The following CCDC85A variants were observed in gnomAD, a reference collection of about 807,000 sequenced individuals.
CCDC85A encodes the protein coiled-coil domain-containing protein 85A.
CCDC85A carries 38 observed loss-of-function variants against 50.2 expected under a neutral mutation model. That is an observed-to-expected ratio of 0.76 (90% CI 0.58 to 0.99). CCDC85A has a LOEUF of 0.99. Among genes scored for constraint, CCDC85A ranks in the 50% least tolerant of loss-of-function variants. CCDC85A has a pLI of 0.00. For missense variants in CCDC85A, 820 were observed against 742.0 expected (o/e 1.11, Z -1.22); for synonymous variants, 366 against 301.4 (o/e 1.21, Z -2.22).
chr2:56,209,930 C>A (rs1390212588), intron 2 of CCDC85A, among the ~76,000 whole-genome samples: 5 of 151,996 alleles, frequency 3.3e-5, no homozygotes, highest in Admixed American at 6.6e-5. Context: ...TGTCTGTTGC[C>A]ATCGTCATGA....
At chr2:56,201,194 A>G (rs577927104) in intron 2 of CCDC85A, among the ~76,000 whole-genome samples, 1 of 152,182 alleles carries the variant, frequency 6.6e-6, no homozygotes, top group Admixed American at 6.5e-5. Context: ...ACGTTTAAAG[A>G]TATTGAATGG....
At chr2:56,382,463 C>G (rs780243883) in intron 5 of CCDC85A, among the ~76,000 whole-genome samples, 1 of 151,942 alleles carries the variant, frequency 6.6e-6, no homozygotes, top group Non-Finnish European at 1.5e-5. Context: ...TCTTCCCAAA[C>G]AGTGCTACAG....
chr2:56,302,687 C>T (rs73940650), intron 2 of CCDC85A, among the ~76,000 whole-genome samples: 2,233 of 152,284 alleles, frequency 0.015, 57 homozygotes, highest in African/African-American at 0.049. Context: ...ATCTTAGTCT[C>T]ATGTTGTGAT....
intron 2 of CCDC85A, among the ~76,000 whole-genome samples, chr2:56,239,397 C>T (rs1002497782): frequency 1.3e-5 from 2 of 152,024 alleles, no homozygotes; most frequent in African/African-American, 4.8e-5. Flanking sequence ...TGTTTGCTAA[C>T]AAATTACTCT....
At chr2:56,210,314 T>C (rs745506505) in intron 2 of CCDC85A, among the ~76,000 whole-genome samples, 1 of 152,098 alleles carries the variant, frequency 6.6e-6, no homozygotes, top group Non-Finnish European at 1.5e-5. Flanking sequence ...CTGTTTTCTC[T>C]TGGTAAACTG....
intron 2 of CCDC85A, among the ~76,000 whole-genome samples, chr2:56,219,235 G>A (rs995941582): frequency 6.8e-6 from 1 of 147,476 alleles, no homozygotes; most frequent in Non-Finnish European, 1.5e-5. Flanking sequence ...GATGCCATAC[G>A]AGATGCGAAG....
chr2:56,365,561 A>T lies in CCDC85A; in HGVS notation c.1318-6783A>T, dbSNP rs199527866. Among the ~76,000 whole-genome samples the T allele has an allele frequency of 3.3e-5, 5 of 152,304 alleles. No homozygotes were observed. The East Asian group carries it at 9.7e-4, about 30-fold the overall frequency. On this transcript the variant is annotated intron_variant, in intron 3 of 5. Transcript: ENST00000407595. The stretch of plus-strand genomic sequence containing the variant: ...GAAGGAGACTTCTGGGACCCAAAGA[A>T]GGAAAAATCACTCTGGGGTATAAAT...
At chr2:56,255,771 T>C (rs184899487) in intron 2 of CCDC85A, among the ~76,000 whole-genome samples, 3 of 152,232 alleles carry the variant, frequency 2.0e-5, no homozygotes, top group Non-Finnish European at 4.4e-5. Context: ...GTTGTTGTTG[T>C]TTTGTTTTAT....
intron 2 of CCDC85A, among the ~76,000 whole-genome samples, chr2:56,240,279 A>G (rs1168770355): frequency 6.6e-6 from 1 of 152,122 alleles, no homozygotes; most frequent in Admixed American, 6.6e-5. Flanking sequence ...GCCTCCTGTG[A>G]TCAATCAGAT....
intron 2 of CCDC85A, among the ~76,000 whole-genome samples, chr2:56,310,695 A>G (rs1008053732): frequency 2.6e-5 from 4 of 152,324 alleles, no homozygotes; most frequent in Admixed American, 1.3e-4. Flanking sequence ...TTCCCCTGAC[A>G]TCTAACTATA....
At chr2:56,222,451 T>C (rs1390836489) in intron 2 of CCDC85A, among the ~76,000 whole-genome samples, 1 of 152,152 alleles carries the variant, frequency 6.6e-6, no homozygotes, top group Non-Finnish European at 1.5e-5. Context: ...ATACAAAAGC[T>C]TCCTATTTTT....
intron 2 of CCDC85A, among the ~76,000 whole-genome samples, chr2:56,266,578 G>GGCCCCCC (rs71393521): frequency 3.3e-5 from 2 of 60,344 alleles, no homozygotes; most frequent in East Asian, 7.5e-4. Context: ...ACAATAACGC[G>GGCCCCCC]CCCCCCCCCC....
At chr2:56,266,753 C>T (rs1432923157) in intron 2 of CCDC85A, among the ~76,000 whole-genome samples, 2 of 151,976 alleles carry the variant, frequency 1.3e-5, no homozygotes, top group African/African-American at 4.8e-5. Context: ...TTTCTCTGTC[C>T]CTTTGCCTCC....
chr2:56,351,681 C>T (rs1207754474), intron 3 of CCDC85A, among the ~76,000 whole-genome samples: 600 of 120,636 alleles, frequency 5.0e-3, no homozygotes, highest in African/African-American at 0.013. Context: ...TGTCCTTTGC[C>T]CACTTTTTGA....
At chr2:56,302,196 C>T (rs540214549) in intron 2 of CCDC85A, among the ~76,000 whole-genome samples, 11 of 152,182 alleles carry the variant, frequency 7.2e-5, no homozygotes, top group African/African-American at 2.6e-4. Flanking sequence ...GCAGAGGTTG[C>T]AGTGAGCTGA....
At position 56,342,849 on chromosome 2, in the gene CCDC85A, A is replaced by G. The variant is rs1275737004; in HGVS notation, c.1241-30A>G. 3 of 1,464,380 alleles carry G rather than the reference A, an allele frequency of 2.0e-6. No homozygotes were observed. In the Admixed American group the frequency reaches 5.8e-5, roughly 28 times the overall value. The allele number at this position is 1,464,380 out of a possible 1,614,324, so 90.7% of individuals were successfully genotyped here. ...AGTACACCAAACAAGACCTGTGTGT[A>G]TAATGTGAGTTCTTTCTTTTTAATT... On this transcript the variant is annotated intron_variant, in intron 2 of 5. Coordinates refer to ENST00000407595, the MANE Select transcript of CCDC85A (RefSeq NM_001080433.2).
intron 2 of CCDC85A, among the ~76,000 whole-genome samples, chr2:56,245,582 G>C (rs1669465111): frequency 6.6e-6 from 1 of 152,224 alleles, no homozygotes; most frequent in South Asian, 2.1e-4. Context: ...CACATTTGGT[G>C]TTCTGCAAGG....
At chr2:56,354,778 G>A (rs1171769209) in intron 3 of CCDC85A, among the ~76,000 whole-genome samples, 1 of 152,160 alleles carries the variant, frequency 6.6e-6, no homozygotes, top group African/African-American at 2.4e-5. Context: ...CTACTTAGGG[G>A]CCTTCAATGG....
At position 56,193,172 on chromosome 2, in the gene CCDC85A, C is replaced by G. The variant is rs1361259251; in HGVS notation, c.972C>G (p.Ser324Arg). The change falls in exon 2 of 6, where the codon AGC becomes AGG. Residue 324 changes from serine to arginine, a missense_variant. Coordinates refer to ENST00000407595, the MANE Select transcript of CCDC85A (RefSeq NM_001080433.2). Reference protein sequence around the residue: ...PEHFQKHRSGSSPEHARHSGG... With the variant: ...PEHFQKHRSGRSPEHARHSGG... ...ACTTCCAGAAGCACCGGTCAGGGAGCAGCCCTGAACACGCCAGGCACAGTG... is the reference window on the plus strand; with the variant it reads ...ACTTCCAGAAGCACCGGTCAGGGAGGAGCCCTGAACACGCCAGGCACAGTG... The G allele has an allele frequency of 7.4e-6, 12 of 1,613,364 alleles. No homozygotes were observed. Among genetic ancestry groups the G allele is most frequent in the Middle Eastern group, 1.7e-4 (1 of 6,056 alleles).
Sources: gnomAD v4.1 joint callset for allele counts (sites outside exome capture counted in the v4.1 genomes callset) on GRCh38, gnomAD v4.1.1 for gene constraint, MANE v1.5 for transcripts, NCBI Gene and HGNC (gene_info 2026-07-23, HGNC 2026-07-21) for gene names.